Variants in TMEM191C observed in about 807,000 individuals in gnomAD.
TMEM191C encodes KB-1323B2.6.
In TMEM191C, 26 loss-of-function variants were observed where a neutral mutation model predicts 37.1. That is an observed-to-expected ratio of 0.70 (90% CI 0.51 to 0.97). The LOEUF (loss-of-function observed/expected upper bound fraction) is 0.97, where lower values mean the gene tolerates loss of function less well. Ranked by LOEUF, TMEM191C falls within the 50% of genes least tolerant of loss-of-function variation. The probability of loss-of-function intolerance (pLI) is 0.00; values close to 1 mark genes in which losing one functional copy is unlikely to be tolerated. For missense variants in TMEM191C, 240 were observed against 294.7 expected, an observed-to-expected ratio of 0.81 and a Z score of 1.36; for synonymous variants, 115 against 143.7, an observed-to-expected ratio of 0.80 and a Z score of 1.43.
In TMEM191C at chr22:21,468,562, C is replaced by T. The variant is rs1272807944; in HGVS notation, c.408+131C>T. 1.5e-3 allele frequency: 1,016 copies of T among 657,082 alleles called. 17 individuals are homozygous for T. The African/African-American group carries it at 0.022, about 14-fold the overall frequency. 40.7% of individuals were successfully genotyped at this position (657,082 alleles called of 1,614,324 possible). A position where few individuals can be genotyped will look rare whatever the true frequency, so the allele number is the denominator to read the frequency against. On this transcript the variant is annotated intron_variant, in intron 4 of 9. Transcript: ENST00000536718. ...CGGGGCGGGGAATGTGGGCGGAGCA[C>T]AATCGCATGGGGGCGGGGCTCTGAG...
Position 21,467,448 on chromosome 22 carries a change from G to C in TMEM191C, c.-12G>C. On this transcript the variant is annotated 5_prime_UTR_variant, in exon 1 of 10. Coordinates refer to ENST00000536718, the MANE Select transcript of TMEM191C (RefSeq NM_001388354.1). ...CCGAGGCGGGCGGCATTTAGGCTCG[G>C]TCTCCACAGCCATGGCCGCGACGCA... 3 of 448,926 alleles carry C rather than the reference G, an allele frequency of 6.7e-6. No individual in the cohort carries two copies. Among genetic ancestry groups the C allele is most frequent in the Non-Finnish European group, 1.1e-5 (3 of 266,470 alleles). 27.8% of individuals were successfully genotyped at this position (448,926 alleles called of 1,614,324 possible). A position where few individuals can be genotyped will look rare whatever the true frequency, so the allele number is the denominator to read the frequency against.
rs758416695 is a variant in TMEM191C at position 21,469,514 on chromosome 22, C to T, written c.684C>T (p.Gly228=). The T allele has an allele frequency of 2.4e-4, 331 of 1,355,564 alleles. 2 individuals carry two copies. Among genetic ancestry groups the T allele is most frequent in the South Asian group, 5.1e-4 (29 of 56,490 alleles). 84.0% of individuals were successfully genotyped at this position (1,355,564 alleles called of 1,614,324 possible). The change falls in exon 9 of 10, where the codon GGC becomes GGT. Residue 228 remains glycine, a synonymous_variant. Transcript: ENST00000536718. ...RADRETRLFG[G]PRALAIRRCV... ...CGCAGGAGACGCGGCTGTTCGGCGG[C>T]CCTCGCGCGCTGGCCATCAGGTGAG...
chr22:21,469,774 C>G lies in TMEM191C; in HGVS notation c.862C>G (p.Leu288Val). The change falls in exon 10 of 10, where the codon CTG (leucine) becomes GTG (valine). Residue 288 changes from leucine (L) to valine (V), a missense_variant. Leu to Val is a conservative substitution (Grantham distance 32). Around this residue, in one of 3 missense-constraint regions of TMEM191C, gnomAD observed 76 missense variants for 100.0 expected, o/e 0.76. Coordinates refer to ENST00000536718, the MANE Select transcript of TMEM191C (RefSeq NM_001388354.1). ...GACGCTGCGCCGCCTGCGCTACACG[C>G]TGTCCCCGCTGCTGGAGCTGCGCGC... ...ETTLRRLRYT[L>V]SPLLELRANG... The G allele has an allele frequency of 6.5e-7, 1 of 1,532,014 alleles. No individual in the cohort carries two copies. Among genetic ancestry groups the G allele is most frequent in the Non-Finnish European group, 8.7e-7 (1 of 1,146,232 alleles). 94.9% of individuals were successfully genotyped at this position (1,532,014 alleles called of 1,614,324 possible).
At position 21,467,948 on chromosome 22, in the gene TMEM191C, G is replaced by A; in HGVS notation, c.210G>A (p.Glu70=). ...AAQPLQGEAR[E]AARERAERVR... ...AGCCTCTGCAAGGGGAGGCGCGCGA[G>A]GCGGCGCGGGAGCGCGCGGAGCGGG... Residue 70 remains glutamate, a synonymous_variant, in exon 2 of 10, where the codon GAG becomes GAA. Coordinates refer to ENST00000536718, the MANE Select transcript of TMEM191C (RefSeq NM_001388354.1). 1 of 582,514 alleles carries A rather than the reference G, an allele frequency of 1.7e-6. No individual in the cohort carries two copies. The highest frequency in any genetic ancestry group is 2.9e-6 in the Non-Finnish European group (1 of 347,738). The allele number at this position is 582,514 out of a possible 1,614,324, so 36.1% of individuals were successfully genotyped here.
Position 21,468,376 on chromosome 22 carries a change from T to G in TMEM191C, c.353T>G (p.Leu118Arg). 6.6e-7 allele frequency: 1 copy of G among 1,515,438 alleles called. No individual in the cohort carries two copies. Among genetic ancestry groups the G allele is most frequent in the South Asian group, 1.2e-5 (1 of 82,824 alleles). The allele number at this position is 1,515,438 out of a possible 1,614,324, so 93.9% of individuals were successfully genotyped here. Residue 118 changes from leucine to arginine, a missense_variant, in exon 4 of 10, where the codon CTG becomes CGG. Physicochemically the swap from Leu to Arg is moderately radical, Grantham distance 102 (BLOSUM62 -2). Transcript: ENST00000536718. ...TAGCTCTTCTACTACGGAGGGGAAC[T>G]GCAGAGCCAGAAGAGCACGGAGCAG... Reference protein sequence around the residue: ...SSQLFYYGGELQSQKSTEQQL... With the variant: ...SSQLFYYGGERQSQKSTEQQL...
intron 9 of TMEM191C, 40 bp from the exon 10 acceptor site, chr22:21,469,577 G>T (rs1343598174): frequency 1.9e-5 from 26 of 1,393,302 alleles, no homozygotes; most frequent in Non-Finnish European, 2.5e-5. Context: ...CCAGGTGCCC[G>T]CCCGAGTTGC....
At position 21,467,603 on chromosome 22, in the gene TMEM191C, G is replaced by A; in HGVS notation, c.144G>A (p.Glu48=). The A allele has an allele frequency of 6.5e-7, 1 of 1,530,280 alleles. No homozygotes were observed. Among genetic ancestry groups the A allele is most frequent in the Non-Finnish European group, 8.7e-7 (1 of 1,145,128 alleles). The allele number at this position is 1,530,280 out of a possible 1,614,324, so 94.8% of individuals were successfully genotyped here. The part of the protein sequence containing the change: ...SLNQRLQDLS[E]RERSLLRRRS... ...ACCAGCGCCTGCAGGACCTGAGCGA[G>A]CGGGAGCGGAGGTGCGCGGGGAACG... is the stretch of plus-strand genomic sequence containing the variant. The change falls in exon 1 of 10, where the codon GAG becomes GAA. Residue 48 remains glutamate (E), a synonymous_variant. Transcript: ENST00000536718.
chr22:21,467,847 A>C, intron 1 of TMEM191C, 47 bp from the exon 2 acceptor site: 1 of 529,658 alleles, frequency 1.9e-6, no homozygotes, highest in Non-Finnish European at 3.3e-6. Context: ...CGGGATCCTG[A>C]GCGACCCAGT....
chr22:21,469,533 A>G lies in TMEM191C; in HGVS notation c.703A>G (p.Arg235Gly). The change falls in exon 9 of 10, where the codon AGG becomes GGG. Residue 235 changes from arginine (R) to glycine (G), a missense_variant and splice_region_variant. Arg to Gly is a moderately radical substitution (Grantham distance 125). Coordinates refer to ENST00000536718, the MANE Select transcript of TMEM191C (RefSeq NM_001388354.1). ...CGGCGGCCCTCGCGCGCTGGCCATC[A>G]GGTGAGCCGGGCGGTGGGCGCGGCC... ...LFGGPRALAIRRCVLGALQVL... is the reference protein window; with the variant it reads ...LFGGPRALAIGRCVLGALQVL... The G allele has an allele frequency of 1.5e-6, 2 of 1,371,030 alleles. No homozygotes were observed. The highest frequency in any genetic ancestry group is 1.9e-6 in the Non-Finnish European group (2 of 1,072,266). The allele number at this position is 1,371,030 out of a possible 1,614,324, so 84.9% of individuals were successfully genotyped here.
chr22:21,469,563 TC>T (rs1924665628), intron 9 of TMEM191C, 29 bp downstream of exon 9: 3 of 1,429,594 alleles, frequency 2.1e-6, no homozygotes, highest in South Asian at 2.9e-5. Context: ...GCGGCCGCGG[TC>T]CCCCAGGTGC....
Position 21,469,662 on chromosome 22 carries a change from C to G in TMEM191C, c.750C>G (p.Leu250=), listed in dbSNP as rs1924671718. The change falls in exon 10 of 10, where the codon CTC becomes CTG. Residue 250 remains leucine (L), a synonymous_variant. Transcript: ENST00000536718. ...TGCAGGTGCTGCTGACGCTGCCGCTCCTCTTCCTGGGGCTGTCGCTGCTCT... is the reference window on the plus strand; with the variant it reads ...TGCAGGTGCTGCTGACGCTGCCGCTGCTCTTCCTGGGGCTGTCGCTGCTCT... ...GALQVLLTLP[L]LFLGLSLLWT... The G allele has an allele frequency of 6.7e-7, 1 of 1,488,142 alleles. No homozygotes were observed. Among genetic ancestry groups the G allele is most frequent in the Middle Eastern group, 2.4e-4 (1 of 4,226 alleles). 92.2% of individuals were successfully genotyped at this position (1,488,142 alleles called of 1,614,324 possible).
rs1924597095 is a variant in TMEM191C at position 21,468,166 on chromosome 22, G to T, written c.294G>T (p.Arg98Ser). The stretch of plus-strand genomic sequence containing the variant: ...CCCGTCCGCAGGAGCAGCACAGCAG[G>T]CAGCTGCAGGAGCAGTGGGAGGAGC... ...RHKEYLEQHSRQLQEQWEELS... is the reference protein window; with the variant it reads ...RHKEYLEQHSSQLQEQWEELS... Residue 98 changes from arginine (R) to serine (S), a missense_variant, in exon 3 of 10, where the codon AGG becomes AGT. Arg to Ser is a moderately radical substitution (Grantham distance 110). This residue lies in a region of TMEM191C where 130 missense variants were observed against 105.7 expected (regional missense o/e 1.23). Coordinates refer to ENST00000536718, the MANE Select transcript of TMEM191C (RefSeq NM_001388354.1). The T allele has an allele frequency of 6.6e-7, 1 of 1,516,602 alleles. No homozygotes were observed. The highest frequency in any genetic ancestry group is 2.0e-5 in the Admixed American group (1 of 49,156). The allele number at this position is 1,516,602 out of a possible 1,614,324, so 93.9% of individuals were successfully genotyped here.
At position 21,469,601 on chromosome 22, in the gene TMEM191C, G is replaced by A. The variant is rs979817346; in HGVS notation, c.705-16G>A. The A allele has an allele frequency of 2.3e-5, 34 of 1,476,960 alleles. No homozygotes were observed. Among genetic ancestry groups the A allele is most frequent in the African/African-American group, 2.9e-5 (2 of 68,082 alleles). 91.5% of individuals were successfully genotyped at this position (1,476,960 alleles called of 1,614,324 possible). A position where few individuals can be genotyped will look rare whatever the true frequency, so the allele number is the denominator to read the frequency against. On this transcript the variant is annotated splice_polypyrimidine_tract_variant and intron_variant, in intron 9 of 9. Transcript: ENST00000536718. ...CGCCCGAGTTGCCGCCCACCTGCCC[G>A]CCTTTCGCCCCGCAGGCGGTGCGTG...
rs1456694096 is a variant in TMEM191C at position 21,467,913 on chromosome 22, C to A, written c.175C>A (p.Gln59Lys). The change falls in exon 2 of 10, where the codon CAG becomes AAG. Residue 59 changes from glutamine to lysine, a missense_variant. By Grantham distance (53) the Gln-to-Lys change is moderately conservative. Around this residue, in one of 3 missense-constraint regions of TMEM191C, gnomAD observed 130 missense variants for 105.7 expected, o/e 1.23. Transcript: ENST00000536718. Reference protein sequence around the residue: ...RERSLLRRRSQAAQPLQGEAR... With the variant: ...RERSLLRRRSKAAQPLQGEAR... ...CTGCAGCCTGCTGCGGAGGCGAAGC[C>A]AGGCAGCGCAGCCTCTGCAAGGGGA... is the stretch of plus-strand genomic sequence containing the variant. 8.0e-6 allele frequency: 5 copies of A among 624,714 alleles called. No homozygotes were observed. In the South Asian group the frequency reaches 8.9e-5, roughly 11 times the overall value. 38.7% of individuals were successfully genotyped at this position (624,714 alleles called of 1,614,324 possible). A position where few individuals can be genotyped will look rare whatever the true frequency, so the allele number is the denominator to read the frequency against.
intron 7 of TMEM191C, 23 bp downstream of exon 7, chr22:21,469,217 C>T: frequency 4.8e-6 from 7 of 1,453,728 alleles, no homozygotes; most frequent in Non-Finnish European, 6.3e-6. Flanking sequence ...GGCCTGCGGG[C>T]GCGGCGGGGC....
chr22:21,468,420 G>C lies in TMEM191C; in HGVS notation c.397G>C (p.Val133Leu), dbSNP rs1256265281. The change falls in exon 4 of 10, where the codon GTG becomes CTG. Residue 133 changes from valine to leucine, a missense_variant. Coordinates refer to ENST00000536718, the MANE Select transcript of TMEM191C (RefSeq NM_001388354.1). ...GGAGCAGCAACTCGCAGCCCAATTG[G>C]TGACGCTGCAGGTGCTTGAGCGGGA... Reference protein sequence around the residue: ...STEQQLAAQLVTLQNELELAE... With the variant: ...STEQQLAAQLLTLQNELELAE... 2 of 1,531,032 alleles carry C rather than the reference G, an allele frequency of 1.3e-6. No homozygotes were observed. Among genetic ancestry groups the C allele is most frequent in the East Asian group, 4.9e-5 (2 of 40,704 alleles). 94.8% of individuals were successfully genotyped at this position (1,531,032 alleles called of 1,614,324 possible).
rs1347347526 is a variant in TMEM191C at position 21,469,624 on chromosome 22, G to C, written c.712G>C (p.Val238Leu). 4.7e-6 allele frequency: 7 copies of C among 1,484,882 alleles called. No homozygotes were observed. The highest frequency in any genetic ancestry group is 1.3e-5 in the South Asian group (1 of 78,868). The allele number at this position is 1,484,882 out of a possible 1,614,324, so 92.0% of individuals were successfully genotyped here. A position where few individuals can be genotyped will look rare whatever the true frequency, so the allele number is the denominator to read the frequency against. The change falls in exon 10 of 10, where the codon GTG (valine) becomes CTG (leucine). Residue 238 changes from valine to leucine, a missense_variant. Val to Leu is a conservative substitution (Grantham distance 32). Coordinates refer to ENST00000536718, the MANE Select transcript of TMEM191C (RefSeq NM_001388354.1). ...CCGCCTTTCGCCCCGCAGGCGGTGC[G>C]TGCTGGGCGCGCTGCAGGTGCTGCT... ...GPRALAIRRCVLGALQVLLTL... is the reference protein window; with the variant it reads ...GPRALAIRRCLLGALQVLLTL...
intron 3 of TMEM191C, 60 bp from the exon 4 acceptor site, chr22:21,468,294 C>T: frequency 6.5e-7 from 1 of 1,535,178 alleles, no homozygotes; most frequent in Non-Finnish European, 8.7e-7. Context: ...TCCCTGTCTC[C>T]CCTGACACCC....
In TMEM191C at chr22:21,467,449, T is replaced by C; in HGVS notation, c.-11T>C. 3 of 448,128 alleles carry C rather than the reference T, an allele frequency of 6.7e-6. No individual in the cohort carries two copies. The highest frequency in any genetic ancestry group is 1.1e-5 in the Non-Finnish European group (3 of 265,908). The allele number at this position is 448,128 out of a possible 1,614,324, so 27.8% of individuals were successfully genotyped here. On this transcript the variant is annotated 5_prime_UTR_variant, in exon 1 of 10. Transcript: ENST00000536718. ...CGAGGCGGGCGGCATTTAGGCTCGG[T>C]CTCCACAGCCATGGCCGCGACGCAG...
Sources: allele counts gnomAD v4.1 joint callset, GRCh38; gene constraint gnomAD v4.1.1; regional missense constraint gnomAD v4.1.1; transcripts MANE v1.5; gene names NCBI Gene and HGNC (gene_info 2026-07-23, HGNC 2026-07-21).